The following LRRIQ3 variants were observed in gnomAD, a reference collection of about 807,000 sequenced individuals.
The protein encoded by LRRIQ3 is leucine rich repeats and IQ motif containing 3, also known as leucine-rich repeat and IQ domain-containing protein 3.
LRRIQ3 carries 75 observed loss-of-function variants against 59.3 expected under a neutral mutation model. That is an observed-to-expected ratio of 1.26 (90% confidence interval 1.05 to 1.53). The LOEUF (loss-of-function observed/expected upper bound fraction) is 1.53. Ranked by LOEUF, LRRIQ3 falls within the 40% of genes most tolerant of loss-of-function variation. The probability of loss-of-function intolerance (pLI) is 0.00; values close to 1 mark genes in which losing one functional copy is unlikely to be tolerated. For synonymous variants in LRRIQ3, 250 were observed against 231.3 expected (o/e 1.08, Z -0.73); for missense variants, 831 against 710.0 (o/e 1.17, Z -1.94).
At chr1:74,192,923 A>C (rs1470104146) in intron 1 of LRRIQ3, among the ~76,000 whole-genome samples, 4 of 151,982 alleles carry the variant, frequency 2.6e-5, no homozygotes, top group African/African-American at 9.7e-5. Flanking sequence ...GTTTCTCATT[A>C]TTTATTTATG....
chr1:74,152,912 AAT>A (rs2100661099), intron 4 of LRRIQ3, among the ~76,000 whole-genome samples: 1 of 152,296 alleles, frequency 6.6e-6, no homozygotes, highest in East Asian at 1.9e-4. Context: ...ATGGCTTTCT[AAT>A]ATTGATTCAT....
chr1:74,100,413 C>T (rs1355231262), intron 5 of LRRIQ3, among the ~76,000 whole-genome samples: 1 of 152,102 alleles, frequency 6.6e-6, no homozygotes, highest in African/African-American at 2.4e-5. Flanking sequence ...AAAGAGGACA[C>T]AAACAAATGG....
chr1:74,109,552 G>A lies in LRRIQ3; in HGVS notation c.709C>T (p.Pro237Ser). 1 of 1,550,434 alleles carries A rather than the reference G, an allele frequency of 6.4e-7. No homozygotes were observed. Among genetic ancestry groups the A allele is most frequent in the Non-Finnish European group, 8.6e-7 (1 of 1,156,966 alleles). Residue 237 changes from proline (P) to serine (S), a missense_variant and splice_region_variant, in exon 5 of 8, where the codon CCT becomes TCT. Physicochemically the swap from Pro to Ser is moderately conservative, Grantham distance 74 (BLOSUM62 -1). Coordinates refer to ENST00000354431, the MANE Select transcript of LRRIQ3 (RefSeq NM_001105659.2). ...RGFLVRKNLS[P>S]VFFHKKKQQE... ...TGTTTTTTTTTGTGGAAAAACACAG[G>A]GCTGAATATAAGGGGAGGGGAAAAC... is the stretch of plus-strand genomic sequence containing the variant.
intron 5 of LRRIQ3, among the ~76,000 whole-genome samples, chr1:74,077,276 G>A (rs1234457092): frequency 6.6e-6 from 1 of 151,822 alleles, no homozygotes; most frequent in Admixed American, 6.6e-5. Context: ...GCCTCCTAAC[G>A]ATGCAATTCA....
chr1:74,083,177 C>T (rs896206767), intron 5 of LRRIQ3: 19 of 151,664 alleles, frequency 1.3e-4, no homozygotes, highest in African/African-American at 3.9e-4. Context: ...ACTGCTATCA[C>T]TCACCCAAGG....
intron 4 of LRRIQ3, among the ~76,000 whole-genome samples, chr1:74,133,639 A>T (rs1159423418): frequency 1.3e-5 from 2 of 148,798 alleles, no homozygotes; most frequent in Non-Finnish European, 3.0e-5. Context: ...GCATGTTCTC[A>T]CTCATAGGTG....
intron 3 of LRRIQ3, among the ~76,000 whole-genome samples, chr1:74,162,176 A>C (rs1477166309): frequency 6.6e-6 from 1 of 151,888 alleles, no homozygotes; most frequent in African/African-American, 2.4e-5. Flanking sequence ...ACTTAAAATG[A>C]TATAGTGTTT....
intron 6 of LRRIQ3, among the ~76,000 whole-genome samples, chr1:74,063,182 C>T (rs922117580): frequency 7.3e-5 from 11 of 151,432 alleles, no homozygotes; most frequent in Non-Finnish European, 1.3e-4. Context: ...CTAATTTACA[C>T]GTATTTGTAT....
intron 5 of LRRIQ3, among the ~76,000 whole-genome samples, chr1:74,084,695 C>A (rs1646308363): frequency 6.6e-6 from 1 of 151,498 alleles, no homozygotes; most frequent in South Asian, 2.1e-4. Flanking sequence ...CTGAGGCAGA[C>A]TAATTGTCAT....
intron 5 of LRRIQ3, 69 bp downstream of exon 5, chr1:74,109,325 G>T: frequency 2.9e-6 from 3 of 1,051,816 alleles, no homozygotes; most frequent in South Asian, 3.0e-5. Context: ...AAATAATAGC[G>T]CTACCTAAAT....
intron 5 of LRRIQ3, among the ~76,000 whole-genome samples, chr1:74,089,039 G>A (rs1405218620): frequency 6.6e-6 from 1 of 151,740 alleles, no homozygotes; most frequent in Non-Finnish European, 1.5e-5. Context: ...ATATATAAAG[G>A]GACAATAAAT....
rs145814200 is a variant in LRRIQ3, at chr1:74,078,750, T to C, written c.868-3960A>G. 3.9e-5 allele frequency: 6 copies of C among 151,908 alleles called. No individual in the cohort carries two copies. The East Asian group carries it at 9.7e-4, about 25-fold the overall frequency. 9.4% of individuals were successfully genotyped at this position (151,908 alleles called of 1,614,324 possible). A position where few individuals can be genotyped will look rare whatever the true frequency, so the allele number is the denominator to read the frequency against. On this transcript the variant is annotated intron_variant, in intron 5 of 7. Transcript: ENST00000354431. ...CATGAATAGTAAGCAGCTTACCTAC[T>C]GAATTATTGTGAACGTAAGCCCTAT... is the stretch of plus-strand genomic sequence containing the variant.
intron 4 of LRRIQ3, among the ~76,000 whole-genome samples, chr1:74,149,240 A>G (rs1647770273): frequency 6.6e-6 from 1 of 152,178 alleles, no homozygotes; most frequent in South Asian, 2.1e-4. Context: ...TGGGAAATTT[A>G]CGTAAGATGG....
At chr1:74,131,406 G>C (rs992959317) in intron 4 of LRRIQ3, among the ~76,000 whole-genome samples, 2 of 152,078 alleles carry the variant, frequency 1.3e-5, no homozygotes, top group African/African-American at 4.8e-5. Context: ...ACCAAAGCCT[G>C]GCAGAGACAC....
chr1:74,070,791 C>A (rs1442788343), intron 6 of LRRIQ3, among the ~76,000 whole-genome samples: 3 of 151,642 alleles, frequency 2.0e-5, no homozygotes, highest in African/African-American at 7.3e-5. Flanking sequence ...ATCTGTCCAA[C>A]AATCCACTCA....
intron 6 of LRRIQ3, among the ~76,000 whole-genome samples, chr1:74,073,850 A>T (rs750198274): frequency 6.6e-6 from 1 of 152,170 alleles, no homozygotes; most frequent in Non-Finnish European, 1.5e-5. Flanking sequence ...AAGTGATTTT[A>T]TGATTCTTCT....
At chr1:74,087,182 G>A (rs1233679640) in intron 5 of LRRIQ3, among the ~76,000 whole-genome samples, 1 of 151,768 alleles carries the variant, frequency 6.6e-6, no homozygotes, top group Non-Finnish European at 1.5e-5. Flanking sequence ...GAGTGCTCAG[G>A]TGAAATTAAA....
In LRRIQ3 at chr1:74,041,299, G is replaced by A. The variant is rs368502350; in HGVS notation, c.1632C>T (p.Val544=). ...KIDRLEKNEA[V]LKEKSLIVKQ... Reference sequence around the variant, plus strand: ...TAACAATCAGGCTTTTCTCTTTTAGGACAGCCTCATTCTTCTCCAGTCTGT... The same window carrying A: ...TAACAATCAGGCTTTTCTCTTTTAGAACAGCCTCATTCTTCTCCAGTCTGT... The change falls in exon 7 of 8, where the codon GTC becomes GTT. Residue 544 remains valine (V), a synonymous_variant. Transcript: ENST00000354431. 27 of 1,612,946 alleles carry A rather than the reference G, an allele frequency of 1.7e-5. No individual in the cohort carries two copies. The highest frequency in any genetic ancestry group is 2.3e-5 in the Non-Finnish European group (27 of 1,179,602).
chr1:74,101,640 C>G (rs1000053646), intron 5 of LRRIQ3, among the ~76,000 whole-genome samples: 2 of 152,082 alleles, frequency 1.3e-5, no homozygotes, highest in Non-Finnish European at 2.9e-5. Flanking sequence ...TTCACAATAG[C>G]AAAGACTTGG....
Sources: allele counts gnomAD v4.1 joint callset (sites outside exome capture counted in the v4.1 genomes callset), GRCh38; gene constraint gnomAD v4.1.1; transcripts MANE v1.5; gene names NCBI Gene and HGNC (gene_info 2026-07-23, HGNC 2026-07-21).